The following ZNF407 variants were observed in gnomAD, a reference collection of about 807,000 sequenced individuals.
ZNF407 encodes the protein zinc finger protein 407.
A neutral mutation model predicts 131.2 loss-of-function variants in ZNF407; 17 were observed. The ratio of observed to expected loss-of-function variants is 0.13; its 90% confidence interval spans 0.09 to 0.19. The LOEUF (loss-of-function observed/expected upper bound fraction) is 0.19, where lower values mean the gene tolerates loss of function less well. ZNF407 is among the 10% of genes least tolerant of loss of function. The pLI is 1.00. For synonymous variants in ZNF407, 1,156 were observed against 1,062.0 expected, an observed-to-expected ratio of 1.09 and a Z score of -1.72; for missense variants, 2,681 against 2,830.6, an observed-to-expected ratio of 0.95 and a Z score of 1.20.
chr18:74,926,605 C>T (rs1398127742), intron 8 of ZNF407, among the ~76,000 whole-genome samples: 1 of 152,130 alleles, frequency 6.6e-6, no homozygotes, highest in Non-Finnish European at 1.5e-5. Context: ...GACTTCGAGA[C>T]CAGCCTGGCC....
At chr18:74,875,648 C>T (rs1194607678) in intron 4 of ZNF407, among the ~76,000 whole-genome samples, 5 of 152,132 alleles carry the variant, frequency 3.3e-5, no homozygotes, top group Admixed American at 1.3e-4. Flanking sequence ...AAGAGATATA[C>T]GGACGTGATT....
intron 8 of ZNF407, among the ~76,000 whole-genome samples, chr18:74,980,415 CT>C (rs1972576467): frequency 6.6e-6 from 1 of 152,096 alleles, no homozygotes; most frequent in Non-Finnish European, 1.5e-5. Context: ...AGGGATTCCC[CT>C]GCCTCAGCCT....
intron 8 of ZNF407, among the ~76,000 whole-genome samples, chr18:75,024,028 AAGG>A (rs1973142665): frequency 6.6e-6 from 1 of 152,174 alleles, no homozygotes; most frequent in African/African-American, 2.4e-5. Context: ...AAGAAGGAAA[AAGG>A]AGAGCATGTG....
Position 74,632,921 on chromosome 18 carries a change from A to G in ZNF407, c.1902A>G (p.Lys634=). Residue 634 remains lysine, a synonymous_variant, in exon 2 of 9, where the codon AAA becomes AAG. Coordinates refer to ENST00000299687, the MANE Select transcript of ZNF407 (RefSeq NM_017757.3). The stretch of plus-strand genomic sequence containing the variant: ...CTGAAAAAGATGTGGAAGAACACAA[A>G]GCCACCGAGAAGCATATTAATTCAT... The part of the protein sequence containing the change: ...FLSEKDVEEH[K]ATEKHINSLV... 1 of 1,612,364 alleles carries G rather than the reference A, an allele frequency of 6.2e-7. No individual in the cohort carries two copies. Among genetic ancestry groups the G allele is most frequent in the Non-Finnish European group, 8.5e-7 (1 of 1,179,466 alleles).
rs189495337 is a variant in ZNF407 at position 74,988,760 on chromosome 18, G to A, written c.5428+68068G>A. Among the ~76,000 whole-genome samples the A allele has an allele frequency of 6.3e-4, 96 of 152,246 alleles. 1 individual carries two copies. Among genetic ancestry groups the A allele is most frequent in the Middle Eastern group, 3.4e-3 (1 of 292 alleles). Reference sequence around the variant, plus strand: ...CACCCTTCAGGACAATACAATTAAAGCCACGAGGAGATGCCACTACATACC... The same window carrying A: ...CACCCTTCAGGACAATACAATTAAAACCACGAGGAGATGCCACTACATACC... On this transcript the variant is annotated intron_variant, in intron 8 of 8. Transcript: ENST00000299687.
chr18:74,951,753 G>T (rs933736095), intron 8 of ZNF407, among the ~76,000 whole-genome samples: 1 of 151,296 alleles, frequency 6.6e-6, no homozygotes, highest in Non-Finnish European at 1.5e-5. Flanking sequence ...GTTTTTTATG[G>T]GTATTAATTT....
At chr18:74,773,837 G>A (rs1969411752) in intron 3 of ZNF407, among the ~76,000 whole-genome samples, 1 of 152,114 alleles carries the variant, frequency 6.6e-6, no homozygotes, top group Admixed American at 6.5e-5. Context: ...TCCTAGCTTT[G>A]TGGATTGAAA....
intron 3 of ZNF407, among the ~76,000 whole-genome samples, chr18:74,643,236 A>G (rs1046722994): frequency 6.6e-6 from 1 of 152,144 alleles, no homozygotes; most frequent in Non-Finnish European, 1.5e-5. Flanking sequence ...ATTATCATTG[A>G]TGGCTAAATA....
At chr18:74,660,209 C>G (rs1008213885) in intron 3 of ZNF407, among the ~76,000 whole-genome samples, 1 of 151,998 alleles carries the variant, frequency 6.6e-6, no homozygotes, top group Non-Finnish European at 1.5e-5. Flanking sequence ...GCTTAACAAC[C>G]TCTAAGGTAG....
At position 74,674,272 on chromosome 18, in the gene ZNF407, G is replaced by A. The variant is rs948611420; in HGVS notation, c.4802+33150G>A. On this transcript the variant is annotated intron_variant, in intron 3 of 8. Coordinates refer to ENST00000299687, the MANE Select transcript of ZNF407 (RefSeq NM_017757.3). Reference sequence around the variant, plus strand: ...CTGGAGCATATGGCTGTGGTGGCTCGTGAGAACCACTTGTTAGAGATCCAG... The same window carrying A: ...CTGGAGCATATGGCTGTGGTGGCTCATGAGAACCACTTGTTAGAGATCCAG... 5.3e-5 allele frequency among the ~76,000 whole-genome samples: 8 copies of A among 152,118 alleles called. No homozygotes were observed. In the East Asian group the frequency reaches 5.8e-4, roughly 11 times the overall value.
rs1969098929 is a variant in ZNF407 at position 74,761,653 on chromosome 18, TGCTGTTACCTTCATCA to T, written c.4803-19771_4803-19756del. On this transcript the variant is annotated intron_variant, in intron 3 of 8. Coordinates refer to ENST00000299687, the MANE Select transcript of ZNF407 (RefSeq NM_017757.3). ...AAAATCTTGGAGCTTTTAGGCCTGT[TGCTGTTACCTTCATCA>T]GCTCTATAGCCTGGTTGTAATTTAT... 2.6e-5 allele frequency among the ~76,000 whole-genome samples: 4 copies of T among 152,258 alleles called. No homozygotes were observed. The South Asian group carries it at 8.3e-4, about 32-fold the overall frequency.
chr18:74,845,374 A>G (rs1045559951), intron 4 of ZNF407, among the ~76,000 whole-genome samples: 2 of 152,230 alleles, frequency 1.3e-5, no homozygotes, highest in South Asian at 2.1e-4. Flanking sequence ...AGCTTCTACA[A>G]CTTTTCAGTT....
At chr18:75,007,636 C>T (rs1972926889) in intron 8 of ZNF407, among the ~76,000 whole-genome samples, 1 of 152,164 alleles carries the variant, frequency 6.6e-6, no homozygotes. Context: ...TTTCTATGGT[C>T]TCTAATATGT....
chr18:74,956,378 G>A lies in ZNF407; in HGVS notation c.5428+35686G>A, dbSNP rs190286874. ...TTCCAAGGGGATAATAAGGTTTTTG[G>A]CAGCCATTCTGTTTTATTGGTTTAT... On this transcript the variant is annotated intron_variant, in intron 8 of 8. Coordinates refer to ENST00000299687, the MANE Select transcript of ZNF407 (RefSeq NM_017757.3). 1.2e-4 allele frequency among the ~76,000 whole-genome samples: 18 copies of A among 151,990 alleles called. No individual in the cohort carries two copies. The East Asian group carries it at 3.3e-3, about 28-fold the overall frequency.
At chr18:74,639,113 C>T (rs1484958555) in intron 2 of ZNF407, among the ~76,000 whole-genome samples, 3 of 152,120 alleles carry the variant, frequency 2.0e-5, no homozygotes, top group Non-Finnish European at 4.4e-5. Flanking sequence ...TCACTGAGAC[C>T]TGCAGAAACT....
At chr18:74,838,957 C>G (rs1256816638) in intron 4 of ZNF407, among the ~76,000 whole-genome samples, 1 of 151,774 alleles carries the variant, frequency 6.6e-6, no homozygotes, top group Non-Finnish European at 1.5e-5. Context: ...CTTCTGTTTC[C>G]TGTGCCATTA....
At chr18:74,854,708 G>A (rs1312799534) in intron 4 of ZNF407, among the ~76,000 whole-genome samples, 3 of 151,688 alleles carry the variant, frequency 2.0e-5, no homozygotes, top group Admixed American at 6.6e-5. Flanking sequence ...CACACCCAAT[G>A]CACTACACAG....
At chr18:74,919,755 G>C (rs953569202) in intron 7 of ZNF407, among the ~76,000 whole-genome samples, 1 of 152,204 alleles carries the variant, frequency 6.6e-6, no homozygotes, top group African/African-American at 2.4e-5. Flanking sequence ...CAAAGGATCT[G>C]ACAGGGATGA....
chr18:74,991,277 A>G (rs1972715743), intron 8 of ZNF407, among the ~76,000 whole-genome samples: 1 of 152,220 alleles, frequency 6.6e-6, no homozygotes, highest in Non-Finnish European at 1.5e-5. Flanking sequence ...GTTTGTGTGC[A>G]CACACTTCGA....
Sources: gnomAD v4.1 joint callset for allele counts (sites outside exome capture counted in the v4.1 genomes callset) on GRCh38, gnomAD v4.1.1 for gene constraint, MANE v1.5 for transcripts, NCBI Gene and HGNC (gene_info 2026-07-23, HGNC 2026-07-21) for gene names.